LARGE1: variants seen among roughly 807,000 people sequenced by gnomAD.
The protein encoded by LARGE1 is LARGE xylosyl- and glucuronyltransferase 1, also known as xylosyl- and glucuronyltransferase LARGE1.
In LARGE1, 43 loss-of-function variants were observed where a neutral mutation model predicts 87.6. The ratio of observed to expected loss-of-function variants is 0.49; its 90% CI spans 0.38 to 0.63. The LOEUF is 0.63. LARGE1 is among the 30% of genes least tolerant of loss of function. The probability of loss-of-function intolerance (pLI) is 0.00; values close to 1 mark genes in which losing one functional copy is unlikely to be tolerated. For missense variants in LARGE1, 802 were observed against 1,000.2 expected (o/e 0.80, Z 2.67); for synonymous variants, 434 against 394.6 (o/e 1.10, Z -1.18).
chr22:33,476,818 G>A (rs369216111), intron 6 of LARGE1, among the ~76,000 whole-genome samples: 4 of 152,054 alleles, frequency 2.6e-5, no homozygotes, highest in African/African-American at 9.7e-5. Context: ...CTCAAACGGC[G>A]ATGTCAGAGT....
intron 6 of LARGE1, among the ~76,000 whole-genome samples, chr22:33,465,552 G>A (rs2068571826): frequency 6.6e-6 from 1 of 152,226 alleles, no homozygotes; most frequent in Non-Finnish European, 1.5e-5. Context: ...GGTTGTGGAT[G>A]AGGAAACAAT....
intron 2 of LARGE1, among the ~76,000 whole-genome samples, chr22:33,719,723 T>C (rs1378869365): frequency 1.3e-5 from 2 of 152,114 alleles, no homozygotes; most frequent in Non-Finnish European, 2.9e-5. Flanking sequence ...GGTTTCACCA[T>C]ATTAGCCAGG....
At chr22:33,379,619 A>T (rs372533563) in intron 9 of LARGE1, among the ~76,000 whole-genome samples, 7 of 152,200 alleles carry the variant, frequency 4.6e-5, no homozygotes, top group African/African-American at 1.4e-4. Flanking sequence ...AACACTATGC[A>T]GCCATAAAAA....
the LARGE1 span, among the ~76,000 whole-genome samples, chr22:33,120,356 CT>C: frequency 1.2e-5 from 1 of 86,480 alleles, no homozygotes; most frequent in Admixed American, 1.1e-4. Flanking sequence ...TCTTTTCTTT[CT>C]TTTTCTTTCT....
intron 2 of LARGE1, among the ~76,000 whole-genome samples, chr22:33,651,515 C>T (rs1464569651): frequency 6.6e-6 from 1 of 152,224 alleles, no homozygotes; most frequent in East Asian, 1.9e-4. Context: ...CAGGGGAAAC[C>T]TTCTTCCATT....
intron 11 of LARGE1, among the ~76,000 whole-genome samples, chr22:33,245,136 C>T (rs938722097): frequency 1.3e-5 from 2 of 152,198 alleles, no homozygotes; most frequent in African/African-American, 4.8e-5. Flanking sequence ...ACTGAATGCC[C>T]TTTAAAGATT....
chr22:33,432,075 C>G (rs1339095440), intron 7 of LARGE1, 86 bp downstream of exon 7: 2 of 1,123,362 alleles, frequency 1.8e-6, no homozygotes, highest in African/African-American at 3.1e-5. Flanking sequence ...TCCTCCTGAG[C>G]TTTTGCAATC....
intron 1 of LARGE1, among the ~76,000 whole-genome samples, chr22:33,768,032 G>A (rs919504604): frequency 1.3e-5 from 2 of 152,210 alleles, no homozygotes; most frequent in Non-Finnish European, 1.5e-5. Context: ...CCTATAGGCC[G>A]GGCGTGGTGG....
the LARGE1 span, among the ~76,000 whole-genome samples, chr22:33,098,202 G>T: frequency 6.6e-6 from 1 of 152,122 alleles, no homozygotes; most frequent in East Asian, 1.9e-4. Context: ...CAGCTACTTT[G>T]GTGGCTGAGG....
the LARGE1 span, among the ~76,000 whole-genome samples, chr22:33,082,113 A>G: frequency 1.3e-5 from 2 of 152,170 alleles, no homozygotes; most frequent in Admixed American, 1.3e-4. Flanking sequence ...CAACCAGCCA[A>G]GAGTATCCAT....
chr22:33,803,625 G>A (rs1204209720), intron 1 of LARGE1, among the ~76,000 whole-genome samples: 1 of 152,174 alleles, frequency 6.6e-6, no homozygotes, highest in South Asian at 2.1e-4. Context: ...ACCAGCAAAG[G>A]AAGAAGGTCT....
chr22:33,726,236 A>G (rs1284138597), intron 2 of LARGE1: 1 of 152,170 alleles, frequency 6.6e-6, no homozygotes, highest in East Asian at 1.9e-4. Context: ...AGACAGGCAG[A>G]CAGATTGAGA....
chr22:33,265,207 A>T (rs1927866480), intron 11 of LARGE1, among the ~76,000 whole-genome samples: 1 of 152,058 alleles, frequency 6.6e-6, no homozygotes, highest in Non-Finnish European at 1.5e-5. Context: ...GTCTGGCCTG[A>T]TCAAATTCTT....
At chr22:33,507,652 A>G (rs905560896) in intron 6 of LARGE1, among the ~76,000 whole-genome samples, 3 of 152,192 alleles carry the variant, frequency 2.0e-5, no homozygotes, top group African/African-American at 7.2e-5. Flanking sequence ...TTGTACCACA[A>G]CGTGAATGCA....
At chr22:33,404,678 C>T (rs1189466197) in intron 7 of LARGE1, among the ~76,000 whole-genome samples, 2 of 152,200 alleles carry the variant, frequency 1.3e-5, no homozygotes, top group Admixed American at 1.3e-4. Context: ...CCAGCTTTCT[C>T]GTGTCAATCG....
At position 33,758,383 on chromosome 22, in the gene LARGE1, C is replaced by T. The variant is rs562497283; in HGVS notation, c.106+2988G>A. Among the ~76,000 whole-genome samples, 189 of 152,252 alleles carry T rather than the reference C, an allele frequency of 1.2e-3. 2 individuals are homozygous for T. The highest frequency in any genetic ancestry group is 3.4e-3 in the Middle Eastern group (1 of 294). ...AGCATAGAGTCCACAAATACAAATG[C>T]GGCAGCCCGAATGCACACTAACTGA... On this transcript the variant is annotated intron_variant, in intron 2 of 14. Coordinates refer to ENST00000397394, the MANE Select transcript of LARGE1 (RefSeq NM_133642.5).
intron 1 of LARGE1, among the ~76,000 whole-genome samples, chr22:33,900,517 T>C (rs967352995): frequency 6.6e-6 from 1 of 152,190 alleles, no homozygotes; most frequent in African/African-American, 2.4e-5. Flanking sequence ...TTAACTTGTG[T>C]TTGATCCTTA....
chr22:33,790,874 A>G (rs113868085), intron 1 of LARGE1, among the ~76,000 whole-genome samples: 13 of 152,336 alleles, frequency 8.5e-5, no homozygotes, highest in African/African-American at 3.1e-4. Context: ...CATACCAAGA[A>G]TATTTATTTA....
At chr22:33,779,640 G>A (rs944554029) in intron 1 of LARGE1, among the ~76,000 whole-genome samples, 1 of 152,010 alleles carries the variant, frequency 6.6e-6, no homozygotes, top group African/African-American at 2.4e-5. Flanking sequence ...ATTGCCAGAT[G>A]TGGAGGTGTG....
Sources: allele counts gnomAD v4.1 joint callset (sites outside exome capture counted in the v4.1 genomes callset), GRCh38; gene constraint gnomAD v4.1.1; transcripts MANE v1.5; gene names NCBI Gene and HGNC (gene_info 2026-07-23, HGNC 2026-07-21).